Variants in C16orf90 observed in about 807,000 individuals in gnomAD.
The protein encoded by C16orf90 is uncharacterized protein C16orf90.
C16orf90 carries 17 observed loss-of-function variants against 17.1 expected under a neutral mutation model. The observed-to-expected ratio is 1.00, with a 90% CI of 0.68 to 1.49. The LOEUF (loss-of-function observed/expected upper bound fraction) is 1.49, where lower values mean the gene tolerates loss of function less well. C16orf90 is among the 40% of genes most tolerant of loss of function. The pLI is 0.00. For synonymous variants in C16orf90, 108 were observed against 95.8 expected (o/e 1.13, Z -0.75); for missense variants, 255 against 235.5 (o/e 1.08, Z -0.54).
upstream of C16orf90, chr16:3,496,216 C>T (rs1771382844): frequency 5.1e-6 from 3 of 589,322 alleles, no homozygotes; most frequent in South Asian, 1.4e-5. Context: ...AGCTGACGTC[C>T]GCCACAAGAA....
chr16:3,494,956 A>T, intron 1 of C16orf90, 79 bp from the exon 2 acceptor site: 2 of 1,084,992 alleles, frequency 1.8e-6, no homozygotes, highest in Non-Finnish European at 2.6e-6. Flanking sequence ...CATACCTCTG[A>T]GACCAGCTCA....
Position 3,494,107 on chromosome 16 carries a change from G to T in C16orf90, c.401-120C>A. On this transcript the variant is annotated intron_variant, in intron 2 of 2. Transcript: ENST00000437192. ...ATTCTTGAAAACAGAAGGGAGGAGG[G>T]CAATGCTTCCTCCTTAACAGAATCC... 3.6e-6 allele frequency: 3 copies of T among 826,340 alleles called. No individual in the cohort carries two copies. The East Asian group carries it at 8.1e-5, about 22-fold the overall frequency. 51.2% of individuals were successfully genotyped at this position (826,340 alleles called of 1,614,324 possible).
Position 3,493,767 on chromosome 16 carries a change from G to A in C16orf90, c.*72C>T, listed in dbSNP as rs576452497. ...TGTGGCAGGGCCACTGCCGGGGGCC[G>A]AGCCCCTCCTGCTCAGGCTGCCTCC... On this transcript the variant is annotated 3_prime_UTR_variant, in exon 3 of 3. Coordinates refer to ENST00000437192, the MANE Select transcript of C16orf90 (RefSeq NM_001080524.2). 3.7e-5 allele frequency: 55 copies of A among 1,475,894 alleles called. No individual in the cohort carries two copies. The highest frequency in any genetic ancestry group is 2.4e-4 in the Middle Eastern group (1 of 4,118). The allele number at this position is 1,475,894 out of a possible 1,614,324, so 91.4% of individuals were successfully genotyped here. A position where few individuals can be genotyped will look rare whatever the true frequency, so the allele number is the denominator to read the frequency against.
At position 3,494,643 on chromosome 16, in the gene C16orf90, G is replaced by A; in HGVS notation, c.281C>T (p.Pro94Leu). Residue 94 changes from proline (P) to leucine (L), a missense_variant, in exon 2 of 3, where the codon CCA becomes CTA. By Grantham distance (98) the Pro-to-Leu change is moderately conservative. Coordinates refer to ENST00000437192, the MANE Select transcript of C16orf90 (RefSeq NM_001080524.2). Reference sequence around the variant, plus strand: ...GGCCCAGGCTGTGCCCTCAGGCTGTGGCAGGCAGCCCCCAGCCATAAGCCG... The same window carrying A: ...GGCCCAGGCTGTGCCCTCAGGCTGTAGCAGGCAGCCCCCAGCCATAAGCCG... ...LGRLMAGGCL[P>L]QPEGTAWALD... 2 of 1,610,424 alleles carry A rather than the reference G, an allele frequency of 1.2e-6. No homozygotes were observed. Among genetic ancestry groups the A allele is most frequent in the East Asian group, 2.2e-5 (1 of 44,782 alleles).
At chr16:3,496,018 G>A (rs2037304107), upstream of C16orf90, among the ~76,000 whole-genome samples, 1 of 152,112 alleles carries the variant, frequency 6.6e-6, no homozygotes, top group South Asian at 2.1e-4. Flanking sequence ...GCGGGAGCCT[G>A]TAGTCCCAGT....
At position 3,494,884 on chromosome 16, in the gene C16orf90, A is replaced by G. The variant is rs761818749; in HGVS notation, c.47-7T>C. 7 of 1,504,816 alleles carry G rather than the reference A, an allele frequency of 4.7e-6. No homozygotes were observed. The highest frequency in any genetic ancestry group is 6.2e-6 in the Non-Finnish European group (7 of 1,132,904). 93.2% of individuals were successfully genotyped at this position (1,504,816 alleles called of 1,614,324 possible). A position where few individuals can be genotyped will look rare whatever the true frequency, so the allele number is the denominator to read the frequency against. On this transcript the variant is annotated splice_polypyrimidine_tract_variant and splice_region_variant and intron_variant, in intron 1 of 2. Coordinates refer to ENST00000437192, the MANE Select transcript of C16orf90 (RefSeq NM_001080524.2). ...TGGGCCTGGCTCACTGCATCTGCAGAGGAGACAGCGGGAGGGTGGTGGCCA... is the reference window on the plus strand; with the variant it reads ...TGGGCCTGGCTCACTGCATCTGCAGGGGAGACAGCGGGAGGGTGGTGGCCA...
In C16orf90 at chr16:3,494,680, G is replaced by A; in HGVS notation, c.244C>T (p.His82Tyr). ...HPPPTGQCES[H>Y]WLGRLMAGGC... ...CCAGCCATAAGCCGGCCCAGCCAGTGGCTCTCACACTGGCCAGTGGGTGGC... is the reference window on the plus strand; with the variant it reads ...CCAGCCATAAGCCGGCCCAGCCAGTAGCTCTCACACTGGCCAGTGGGTGGC... The change falls in exon 2 of 3, where the codon CAC becomes TAC. Residue 82 changes from histidine (H) to tyrosine (Y), a missense_variant. By Grantham distance (83) the His-to-Tyr change is moderately conservative. Coordinates refer to ENST00000437192, the MANE Select transcript of C16orf90 (RefSeq NM_001080524.2). 1.2e-6 allele frequency: 2 copies of A among 1,611,428 alleles called. No homozygotes were observed. Among genetic ancestry groups the A allele is most frequent in the South Asian group, 1.1e-5 (1 of 90,980 alleles).
At position 3,493,785 on chromosome 16, in the gene C16orf90, C is replaced by T. The variant is rs2037262353; in HGVS notation, c.*54G>A. The T allele has an allele frequency of 3.2e-5, 49 of 1,526,248 alleles. No individual in the cohort carries two copies. The South Asian group carries it at 3.8e-4, about 12-fold the overall frequency. The allele number at this position is 1,526,248 out of a possible 1,614,324, so 94.5% of individuals were successfully genotyped here. On this transcript the variant is annotated 3_prime_UTR_variant, in exon 3 of 3. Coordinates refer to ENST00000437192, the MANE Select transcript of C16orf90 (RefSeq NM_001080524.2). ...GGGGGCCGAGCCCCTCCTGCTCAGGCTGCCTCCTCGGCCATCCTGCCCCTC... is the reference window on the plus strand; with the variant it reads ...GGGGGCCGAGCCCCTCCTGCTCAGGTTGCCTCCTCGGCCATCCTGCCCCTC...
chr16:3,494,665 G>C lies in C16orf90; in HGVS notation c.259C>G (p.Leu87Val). 1.9e-6 allele frequency: 3 copies of C among 1,610,942 alleles called. No homozygotes were observed. Among genetic ancestry groups the C allele is most frequent in the Non-Finnish European group, 2.5e-6 (3 of 1,179,516 alleles). ...GQCESHWLGR[L>V]MAGGCLPQPE... Reference sequence around the variant, plus strand: ...TGTGGCAGGCAGCCCCCAGCCATAAGCCGGCCCAGCCAGTGGCTCTCACAC... The same window carrying C: ...TGTGGCAGGCAGCCCCCAGCCATAACCCGGCCCAGCCAGTGGCTCTCACAC... The change falls in exon 2 of 3, where the codon CTT becomes GTT. Residue 87 changes from leucine (L) to valine (V), a missense_variant. By Grantham distance (32) the Leu-to-Val change is conservative. Coordinates refer to ENST00000437192, the MANE Select transcript of C16orf90 (RefSeq NM_001080524.2).
upstream of C16orf90, chr16:3,496,190 G>C: frequency 1.9e-6 from 1 of 539,840 alleles, no homozygotes; most frequent in Non-Finnish European, 3.6e-6. Flanking sequence ...GGCCAAGCAG[G>C]AAGCGCCATC....
chr16:3,493,633 T>G lies in C16orf90; in HGVS notation c.*206A>C. Reference sequence around the variant, plus strand: ...TAAGCAGGCTGCAAGGGCACGGCCATGCTTCTATTGCTTCTGCCCCTCCCT... The same window carrying G: ...TAAGCAGGCTGCAAGGGCACGGCCAGGCTTCTATTGCTTCTGCCCCTCCCT... On this transcript the variant is annotated 3_prime_UTR_variant, in exon 3 of 3. Coordinates refer to ENST00000437192, the MANE Select transcript of C16orf90 (RefSeq NM_001080524.2). The G allele has an allele frequency of 4.2e-6, 2 of 473,698 alleles. No homozygotes were observed. The highest frequency in any genetic ancestry group is 3.3e-5 in the South Asian group (1 of 30,744). The allele number at this position is 473,698 out of a possible 1,614,324, so 29.3% of individuals were successfully genotyped here.
chr16:3,493,711 T>C lies in C16orf90; in HGVS notation c.*128A>G, dbSNP rs898943274. ...ATCACATTCTCCCGAGGCCCAGGCCTGGGCGCTGGGCCGCTGCCTGGGCCA... is the reference window on the plus strand; with the variant it reads ...ATCACATTCTCCCGAGGCCCAGGCCCGGGCGCTGGGCCGCTGCCTGGGCCA... On this transcript the variant is annotated 3_prime_UTR_variant, in exon 3 of 3. Transcript: ENST00000437192. 8.7e-6 allele frequency: 7 copies of C among 805,808 alleles called. No individual in the cohort carries two copies. In the African/African-American group the frequency reaches 1.2e-4, roughly 14 times the overall value. 49.9% of individuals were successfully genotyped at this position (805,808 alleles called of 1,614,324 possible).
At position 3,494,675 on chromosome 16, in the gene C16orf90, C is replaced by A. The variant is rs2037280251; in HGVS notation, c.249G>T (p.Trp83Cys). 6.2e-7 allele frequency: 1 copy of A among 1,611,380 alleles called. No homozygotes were observed. The highest frequency in any genetic ancestry group is 8.5e-7 in the Non-Finnish European group (1 of 1,179,568). Residue 83 changes from tryptophan (W) to cysteine (C), a missense_variant, in exon 2 of 3, where the codon TGG becomes TGT. Transcript: ENST00000437192. ...AGCCCCCAGCCATAAGCCGGCCCAG[C>A]CAGTGGCTCTCACACTGGCCAGTGG... The part of the protein sequence containing the change: ...PPPTGQCESH[W>C]LGRLMAGGCL...
rs552303823 is a variant in C16orf90, at chr16:3,493,551, G to C, written c.*288C>G. The C allele has an allele frequency of 1.8e-3, 518 of 284,624 alleles. 1 individual carries two copies. Among genetic ancestry groups the C allele is most frequent in the African/African-American group, 9.9e-3 (470 of 47,268 alleles). 17.6% of individuals were successfully genotyped at this position (284,624 alleles called of 1,614,324 possible). On this transcript the variant is annotated 3_prime_UTR_variant, in exon 3 of 3. Transcript: ENST00000437192. ...CGGCCTCTCAGGGAGGCGGTGGCGGGGGGGCCTGATTCTGCACTCAGCCCG... is the reference window on the plus strand; with the variant it reads ...CGGCCTCTCAGGGAGGCGGTGGCGGCGGGGCCTGATTCTGCACTCAGCCCG...
chr16:3,494,012 T>C (rs1324341855), intron 2 of C16orf90, 25 bp from the exon 3 acceptor site: 2 of 1,587,594 alleles, frequency 1.3e-6, no homozygotes, highest in Non-Finnish European at 1.7e-6. Flanking sequence ...GAGAAAGGAG[T>C]CACTTGAGGG....
In C16orf90 at chr16:3,495,485, T is replaced by TTAGGC; in HGVS notation, c.-65_-64insGCCTA. Reference sequence around the variant, plus strand: ...GGTGCAGCAGGGCCCTGCTCTCCCCTGCCTAGGGGGTACATTGGCAGGTCT... The same window carrying TTAGGC: ...GGTGCAGCAGGGCCCTGCTCTCCCCTTAGGCGCCTAGGGGGTACATTGGCAGGTCT... On this transcript the variant is annotated 5_prime_UTR_variant, in exon 1 of 3. Coordinates refer to ENST00000437192, the MANE Select transcript of C16orf90 (RefSeq NM_001080524.2). 1 of 1,580,342 alleles carries TTAGGC rather than the reference T, an allele frequency of 6.3e-7. No homozygotes were observed.
At chr16:3,494,042 G>A in intron 2 of C16orf90, 55 bp from the exon 3 acceptor site, 1 of 1,524,112 alleles carries the variant, frequency 6.6e-7, no homozygotes, top group Non-Finnish European at 8.9e-7. Context: ...GAGGCTGGGG[G>A]GGAGGCTGGC....
upstream of C16orf90, chr16:3,496,513 T>C (rs1686275090): frequency 1.7e-6 from 1 of 592,326 alleles, no homozygotes; most frequent in South Asian, 1.4e-5. Flanking sequence ...GTGTGTGCGC[T>C]GCCCGTGACC....
intron 1 of C16orf90, among the ~76,000 whole-genome samples, 198 bp from the exon 2 acceptor site, chr16:3,495,075 CT>C (rs1241088404): frequency 6.6e-6 from 1 of 152,222 alleles, no homozygotes; most frequent in Non-Finnish European, 1.5e-5. Flanking sequence ...CCTCTTCCCA[CT>C]CCCAACCAAC....
Sources: allele counts gnomAD v4.1 joint callset (sites outside exome capture counted in the v4.1 genomes callset), GRCh38; gene constraint gnomAD v4.1.1; transcripts MANE v1.5; gene names NCBI Gene and HGNC (gene_info 2026-07-23, HGNC 2026-07-21).